The following GHR variants were observed in gnomAD, a reference collection of about 807,000 sequenced individuals.
GHR encodes the protein GH receptor.
Under a neutral mutation model 67.1 loss-of-function variants are expected in GHR, and 35 were observed. The observed-to-expected ratio is 0.52, with a 90% confidence interval of 0.40 to 0.69. GHR has a LOEUF of 0.69. Among genes scored for constraint, GHR ranks in the 30% least tolerant of loss-of-function variants. GHR has a pLI of 0.00. For missense variants in GHR, 792 were observed against 764.6 expected, an observed-to-expected ratio of 1.04 and a Z score of -0.42; for synonymous variants, 272 against 269.1, an observed-to-expected ratio of 1.01 and a Z score of -0.10.
chr5:42,657,454 T>A (rs1755315736), intron 3 of GHR, among the ~76,000 whole-genome samples: 1 of 152,050 alleles, frequency 6.6e-6, no homozygotes, highest in Non-Finnish European at 1.5e-5. Context: ...TTGGTGATGG[T>A]TAGAAGTAAG....
intron 6 of GHR, among the ~76,000 whole-genome samples, chr5:42,706,745 T>C (rs935917873): frequency 1.3e-5 from 2 of 152,130 alleles, no homozygotes; most frequent in Non-Finnish European, 2.9e-5. Flanking sequence ...TTGATCTATG[T>C]GTCTTCTTTT....
intron 2 of GHR, among the ~76,000 whole-genome samples, chr5:42,625,754 A>G (rs1181386522): frequency 6.6e-6 from 1 of 151,886 alleles, no homozygotes; most frequent in Admixed American, 6.6e-5. Flanking sequence ...AGGTTAAGAT[A>G]TGTTTCTTAT....
chr5:42,518,342 T>C (rs1579856975), intron 1 of GHR, among the ~76,000 whole-genome samples: 2 of 152,106 alleles, frequency 1.3e-5, no homozygotes, highest in East Asian at 3.8e-4. Context: ...AACATGGTCT[T>C]CTTGAGGTGT....
At chr5:42,673,740 A>G (rs1756432136) in intron 3 of GHR, among the ~76,000 whole-genome samples, 1 of 152,182 alleles carries the variant, frequency 6.6e-6, no homozygotes, top group African/African-American at 2.4e-5. Context: ...ATGGATATAA[A>G]GGTGGCAACA....
intron 3 of GHR, among the ~76,000 whole-genome samples, chr5:42,649,097 G>T (rs968852650): frequency 6.6e-6 from 1 of 152,164 alleles, no homozygotes; most frequent in African/African-American, 2.4e-5. Flanking sequence ...GACTGCATCA[G>T]ACAGACTTGG....
At chr5:42,664,032 A>T (rs960557501) in intron 3 of GHR, among the ~76,000 whole-genome samples, 6 of 152,244 alleles carry the variant, frequency 3.9e-5, no homozygotes, top group African/African-American at 1.4e-4. Context: ...AATCCAACTT[A>T]CAAGGGACAT....
intron 3 of GHR, among the ~76,000 whole-genome samples, chr5:42,682,187 CAT>C (rs1471562902): frequency 6.6e-6 from 1 of 152,194 alleles, no homozygotes; most frequent in Non-Finnish European, 1.5e-5. Context: ...CCAAACACCA[CAT>C]GTGTGTTCCA....
rs115000570 is a variant in GHR at position 42,610,225 on chromosome 5, T to C, written c.71-18813T>C. On this transcript the variant is annotated intron_variant, in intron 2 of 9. Transcript: ENST00000230882. Reference sequence around the variant, plus strand: ...CTGGATGCCAAGACTAGCTGTGTTCTTGCAGCTGCTGGCTCCTCCTTGGCA... The same window carrying C: ...CTGGATGCCAAGACTAGCTGTGTTCCTGCAGCTGCTGGCTCCTCCTTGGCA... Among the ~76,000 whole-genome samples, 353 of 152,330 alleles carry C rather than the reference T, an allele frequency of 2.3e-3. 1 individual carries two copies. The Middle Eastern group carries it at 0.027, about 12-fold the overall frequency.
chr5:42,689,662 C>T (rs1757331274), intron 4 of GHR, among the ~76,000 whole-genome samples: 1 of 152,122 alleles, frequency 6.6e-6, no homozygotes, highest in African/African-American at 2.4e-5. Context: ...AAGGCCAGCA[C>T]TGAAGGCACA....
intron 2 of GHR, among the ~76,000 whole-genome samples, chr5:42,625,968 T>C (rs893938576): frequency 5.3e-5 from 8 of 151,200 alleles, no homozygotes; most frequent in African/African-American, 2.0e-4. Flanking sequence ...GCCAGAGTCA[T>C]ATTGAAAAGC....
intron 1 of GHR, among the ~76,000 whole-genome samples, chr5:42,559,495 A>C (rs1487739984): frequency 6.6e-6 from 1 of 152,214 alleles, no homozygotes; most frequent in African/African-American, 2.4e-5. Context: ...GCAGTGAGCT[A>C]TGATTATGCC....
chr5:42,565,705 G>A (rs751331390), intron 1 of GHR, 159 bp from the exon 2 acceptor site: 60 of 985,206 alleles, frequency 6.1e-5, no homozygotes, highest in Middle Eastern at 1.0e-3. Flanking sequence ...ATGAAAAGTA[G>A]GACAATATGA....
chr5:42,545,938 G>T, intron 1 of GHR, among the ~76,000 whole-genome samples: 1 of 152,126 alleles, frequency 6.6e-6, no homozygotes. Context: ...GTGCATTTAT[G>T]TGGGCCTTAA....
chr5:42,499,495 T>C (rs1487486324), intron 1 of GHR, among the ~76,000 whole-genome samples: 1 of 152,186 alleles, frequency 6.6e-6, no homozygotes, highest in African/African-American at 2.4e-5. Context: ...GATAATGAAA[T>C]GCTAGAAGGG....
rs70991425 is a variant in GHR, at chr5:42,681,265, G to GAA, written c.137-7614_137-7613dup. Among the ~76,000 whole-genome samples the GAA allele has an allele frequency of 2.2e-3, 313 of 144,766 alleles. 1 individual carries two copies. Among genetic ancestry groups the GAA allele is most frequent in the Middle Eastern group, 7.2e-3 (2 of 278 alleles). 95.0% of individuals were successfully genotyped at this position (144,766 alleles called of 152,430 possible). ...ACAAAGAACTTCAATAAATTTACAAGAAAAAAAAAAAACCATCAAAAAGTG... is the reference window on the plus strand; with the variant it reads ...ACAAAGAACTTCAATAAATTTACAAGAAAAAAAAAAAAAACCATCAAAAAGTG... On this transcript the variant is annotated intron_variant, in intron 3 of 9. Transcript: ENST00000230882.
At chr5:42,425,400 T>C (rs768992149) in intron 1 of GHR, among the ~76,000 whole-genome samples, 12 of 152,210 alleles carry the variant, frequency 7.9e-5, no homozygotes, top group Non-Finnish European at 1.6e-4. Flanking sequence ...CAGGTCAGGC[T>C]CTGTTTCCTG....
chr5:42,589,872 A>G (rs1007001254), intron 2 of GHR, among the ~76,000 whole-genome samples: 1 of 152,240 alleles, frequency 6.6e-6, no homozygotes, highest in Non-Finnish European at 1.5e-5. Flanking sequence ...AATAAAGACC[A>G]TTAAGTTCAG....
chr5:42,668,001 C>T (rs1185217594), intron 3 of GHR, among the ~76,000 whole-genome samples: 3 of 152,236 alleles, frequency 2.0e-5, no homozygotes, highest in Admixed American at 1.3e-4. Flanking sequence ...TGCTTATGTA[C>T]GTGAGTTATT....
At chr5:42,689,110 T>C (rs540491949) in intron 4 of GHR, 91 bp downstream of exon 4, 31 of 1,114,548 alleles carry the variant, frequency 2.8e-5, no homozygotes, top group Non-Finnish European at 4.3e-5. Context: ...TGGAAGTGAT[T>C]TGTTGTGATT....
Sources: gnomAD v4.1 joint callset for allele counts (sites outside exome capture counted in the v4.1 genomes callset) on GRCh38, gnomAD v4.1.1 for gene constraint, MANE v1.5 for transcripts, NCBI Gene and HGNC (gene_info 2026-07-23, HGNC 2026-07-21) for gene names.